The following MYO3A variants were observed in gnomAD, a reference collection of about 807,000 sequenced individuals.
The protein encoded by MYO3A is myosin-IIIa.
A neutral mutation model predicts 192.7 loss-of-function variants in MYO3A; 180 were observed. That is an observed-to-expected ratio of 0.93 (90% CI 0.83 to 1.06). The LOEUF (loss-of-function observed/expected upper bound fraction) is 1.06, where lower values mean the gene tolerates loss of function less well. Ranked by LOEUF, MYO3A falls within the 50% of genes least tolerant of loss-of-function variation. The pLI, the probability that MYO3A is intolerant of heterozygous loss-of-function variation, is 0.00. For synonymous variants in MYO3A, 628 were observed against 645.3 expected, an observed-to-expected ratio of 0.97 and a Z score of 0.41; for missense variants, 1,896 against 1,905.0, an observed-to-expected ratio of 1.00 and a Z score of 0.09.
At chr10:26,200,542 ATGC>A (rs888323330) in intron 32 of MYO3A, among the ~76,000 whole-genome samples, 3 of 152,244 alleles carry the variant, frequency 2.0e-5, no homozygotes, top group African/African-American at 7.2e-5. Context: ...CACATTACTA[ATGC>A]TACAGTGCAA....
intron 4 of MYO3A, among the ~76,000 whole-genome samples, chr10:25,986,560 C>T (rs1361174463): frequency 6.6e-6 from 1 of 152,078 alleles, no homozygotes; most frequent in Non-Finnish European, 1.5e-5. Context: ...TATATGCCAA[C>T]AGCAGCTAAG....
chr10:26,038,368 T>G (rs1371591393), intron 10 of MYO3A, among the ~76,000 whole-genome samples: 1 of 152,226 alleles, frequency 6.6e-6, no homozygotes, highest in African/African-American at 2.4e-5. Flanking sequence ...TGGTGTCCCC[T>G]TCAATTTCTT....
chr10:26,143,626 G>T, intron 21 of MYO3A, 25 bp downstream of exon 21: 2 of 1,612,626 alleles, frequency 1.2e-6, no homozygotes, highest in Non-Finnish European at 1.7e-6. Flanking sequence ...CAGTGTGTCT[G>T]CATGGTTTTA....
At chr10:26,195,697 G>C (rs915786178) in intron 32 of MYO3A, among the ~76,000 whole-genome samples, 1 of 152,106 alleles carries the variant, frequency 6.6e-6, no homozygotes, top group Non-Finnish European at 1.5e-5. Flanking sequence ...CCTTTTCTCA[G>C]CCTAAAACAC....
At chr10:25,949,275 T>C (rs1484472970) in intron 2 of MYO3A, among the ~76,000 whole-genome samples, 1 of 152,118 alleles carries the variant, frequency 6.6e-6, no homozygotes, top group Non-Finnish European at 1.5e-5. Flanking sequence ...TGTCTGTGTA[T>C]TGAAAAACTA....
chr10:25,998,697 A>G (rs1055122439), intron 6 of MYO3A, among the ~76,000 whole-genome samples: 15 of 152,134 alleles, frequency 9.9e-5, no homozygotes, highest in African/African-American at 3.6e-4. Context: ...CCCTTCCTCT[A>G]AAAAATAGAT....
intron 6 of MYO3A, among the ~76,000 whole-genome samples, chr10:26,001,458 C>A (rs1267213530): frequency 6.6e-6 from 1 of 152,210 alleles, no homozygotes; most frequent in East Asian, 1.9e-4. Flanking sequence ...TCAGCCAGAA[C>A]TCAGAGTGTT....
chr10:26,096,594 C>T lies in MYO3A; in HGVS notation c.1688C>T (p.Thr563Ile). ...PRYLQNDHLR[T>I]VQDIMNNSFY... The stretch of plus-strand genomic sequence containing the variant: ...TACCTACAAAATGACCACCTCAGAA[C>T]AGTACAAGACATCATGAATAATAGT... Residue 563 changes from threonine (T) to isoleucine (I), a missense_variant, in exon 17 of 35, where the codon ACA becomes ATA. By Grantham distance (89) the Thr-to-Ile change is moderately conservative (BLOSUM62 -1). Coordinates refer to ENST00000642920, the MANE Select transcript of MYO3A (RefSeq NM_017433.5). 1 of 1,604,584 alleles carries T rather than the reference C, an allele frequency of 6.2e-7. No individual in the cohort carries two copies.
intron 17 of MYO3A, among the ~76,000 whole-genome samples, chr10:26,109,907 C>T (rs1331643290): frequency 6.6e-6 from 1 of 152,108 alleles, no homozygotes; most frequent in Non-Finnish European, 1.5e-5. Flanking sequence ...ATTTCCAGCA[C>T]CAATCAAGAA....
chr10:26,037,831 A>G (rs540304672), intron 10 of MYO3A, among the ~76,000 whole-genome samples: 1 of 152,240 alleles, frequency 6.6e-6, no homozygotes, highest in Admixed American at 6.5e-5. Flanking sequence ...TCAAGGGGGA[A>G]ATTCTACACA....
At chr10:26,196,840 G>A (rs543128775) in intron 32 of MYO3A, among the ~76,000 whole-genome samples, 1 of 151,708 alleles carries the variant, frequency 6.6e-6, no homozygotes, top group Non-Finnish European at 1.5e-5. Context: ...CATGTTTATG[G>A]AATACATGTG....
chr10:25,937,859 A>G (rs1836201860), intron 2 of MYO3A, among the ~76,000 whole-genome samples: 1 of 152,226 alleles, frequency 6.6e-6, no homozygotes, highest in Admixed American at 6.5e-5. Flanking sequence ...CAGAGCATAC[A>G]TGTAACTGGA....
At chr10:26,111,516 T>C (rs1383485873) in intron 17 of MYO3A, among the ~76,000 whole-genome samples, 4 of 152,124 alleles carry the variant, frequency 2.6e-5, no homozygotes, top group Admixed American at 2.6e-4. Flanking sequence ...ACATTCAGTT[T>C]CAAATCTGGC....
chr10:26,181,610 T>TA (rs910662661), intron 31 of MYO3A, among the ~76,000 whole-genome samples: 5 of 150,430 alleles, frequency 3.3e-5, no homozygotes, highest in African/African-American at 1.2e-4. Context: ...ACTCTAGGAG[T>TA]AAAAAAAATA....
chr10:25,955,295 T>A lies in MYO3A; in HGVS notation c.303+287T>A, dbSNP rs78666654. 0.022 allele frequency among the ~76,000 whole-genome samples: 3,363 copies of A among 152,284 alleles called. 130 individuals are homozygous for A. Among genetic ancestry groups the A allele is most frequent in the African/African-American group, 0.073 (3,046 of 41,544 alleles). On this transcript the variant is annotated intron_variant, in intron 4 of 34. Transcript: ENST00000642920. ...AAAAATTAAAAGGGATTTCATTATA[T>A]TTATTTATTCATCTGTATTTTGTTT...
At chr10:26,003,357 CA>C in intron 6 of MYO3A, among the ~76,000 whole-genome samples, 1 of 151,854 alleles carries the variant, frequency 6.6e-6, no homozygotes, top group East Asian at 1.9e-4. Flanking sequence ...TTTATGTTTC[CA>C]AAAAAGAAAA....
chr10:25,978,087 T>C (rs549071479), intron 4 of MYO3A, among the ~76,000 whole-genome samples: 8 of 152,214 alleles, frequency 5.3e-5, no homozygotes, highest in Non-Finnish European at 1.2e-4. Flanking sequence ...TTTTCAAATA[T>C]ACTGTGTGAT....
chr10:26,156,277 T>C (rs560305513), intron 25 of MYO3A, among the ~76,000 whole-genome samples: 2 of 152,358 alleles, frequency 1.3e-5, no homozygotes, highest in South Asian at 4.1e-4. Context: ...TCAGCATTTG[T>C]TTTGCACTGG....
rs567217601 is a variant in MYO3A at position 26,189,240 on chromosome 10, A to G, written c.4439-3965A>G. Reference sequence around the variant, plus strand: ...CTTTTAAGGACAGCAGTCACATTAGATTAGGACCCACTTTAATGACATCAT... The same window carrying G: ...CTTTTAAGGACAGCAGTCACATTAGGTTAGGACCCACTTTAATGACATCAT... On this transcript the variant is annotated intron_variant, in intron 31 of 34. Transcript: ENST00000642920. Among the ~76,000 whole-genome samples, 6 of 152,296 alleles carry G rather than the reference A, an allele frequency of 3.9e-5. No homozygotes were observed. In the South Asian group the frequency reaches 1.0e-3, roughly 26 times the overall value.
Sources: allele counts gnomAD v4.1 joint callset (sites outside exome capture counted in the v4.1 genomes callset), GRCh38; gene constraint gnomAD v4.1.1; transcripts MANE v1.5; gene names NCBI Gene and HGNC (gene_info 2026-07-23, HGNC 2026-07-21).